The following RBFOX2 variants were observed in gnomAD, a reference collection of about 807,000 sequenced individuals.
RBFOX2 encodes RNA binding protein fox-1 homolog 2.
Under a neutral mutation model 49.1 loss-of-function variants are expected in RBFOX2, and 10 were observed. That is an observed-to-expected ratio of 0.20 (90% CI 0.13 to 0.35). The LOEUF is 0.35. Ranked by LOEUF, RBFOX2 falls within the 10% of genes least tolerant of loss-of-function variation. The pLI is 1.00. For missense variants in RBFOX2, 323 were observed against 486.9 expected, an observed-to-expected ratio of 0.66 and a Z score of 3.17; for synonymous variants, 183 against 187.4, an observed-to-expected ratio of 0.98 and a Z score of 0.19.
intron 1 of RBFOX2, among the ~76,000 whole-genome samples, chr22:35,830,315 T>C (rs1314132905): frequency 6.6e-6 from 1 of 152,208 alleles, no homozygotes; most frequent in Non-Finnish European, 1.5e-5. Context: ...ATACAGAATG[T>C]TAATGAAGCA....
chr22:36,018,630 T>C (rs2059132996), intron 1 of RBFOX2, among the ~76,000 whole-genome samples: 1 of 152,208 alleles, frequency 6.6e-6, no homozygotes, highest in African/African-American at 2.4e-5. Context: ...TGTTTTATTT[T>C]TGAGACAGAG....
intron 1 of RBFOX2, among the ~76,000 whole-genome samples, chr22:35,825,982 A>C (rs1955607781): frequency 9.7e-6 from 1 of 102,994 alleles, no homozygotes; most frequent in African/African-American, 4.5e-5. Context: ...ACTCCGCTTC[A>C]AAAAAAAAAA....
intron 1 of RBFOX2, among the ~76,000 whole-genome samples, chr22:36,026,562 ACACACACACACC>A (rs1463977204): frequency 1.3e-5 from 2 of 151,936 alleles, no homozygotes; most frequent in Admixed American, 1.3e-4. Context: ...ACACACACAC[ACACACACACACC>A]AAGTAGAACC....
intron 1 of RBFOX2, among the ~76,000 whole-genome samples, chr22:35,949,288 A>G (rs572385197): frequency 1.4e-4 from 22 of 152,332 alleles, no homozygotes; most frequent in African/African-American, 5.3e-4. Context: ...TTCATCTGTC[A>G]ATGGACACTT....
At chr22:35,953,104 G>A (rs548674371) in intron 1 of RBFOX2, among the ~76,000 whole-genome samples, 3 of 151,682 alleles carry the variant, frequency 2.0e-5, no homozygotes, top group African/African-American at 4.8e-5. Flanking sequence ...CCAGCTGCTT[G>A]GGAGGCTGAG....
At chr22:35,764,360 G>A (rs1484266858) in intron 6 of RBFOX2, among the ~76,000 whole-genome samples, 6 of 152,002 alleles carry the variant, frequency 3.9e-5, no homozygotes, top group African/African-American at 1.2e-4. Context: ...CACGGTGGGC[G>A]GATCACGAGG....
chr22:35,984,601 C>CTAT (rs2057614372), intron 1 of RBFOX2, among the ~76,000 whole-genome samples: 1 of 152,124 alleles, frequency 6.6e-6, no homozygotes, highest in African/African-American at 2.4e-5. Context: ...GGGGAAAAAG[C>CTAT]TATACTGAAG....
intron 1 of RBFOX2, among the ~76,000 whole-genome samples, chr22:35,971,958 G>C (rs1283981147): frequency 1.5e-5 from 2 of 136,150 alleles, no homozygotes; most frequent in Non-Finnish European, 3.1e-5. Flanking sequence ...AAACCACTTA[G>C]CTCAGTTTTC....
intron 1 of RBFOX2, chr22:35,897,818 G>A (rs1478810936): frequency 5.3e-6 from 4 of 747,954 alleles, no homozygotes; most frequent in Non-Finnish European, 1.0e-5. Context: ...ATGGCTTCTG[G>A]AAATGTGTCT....
intron 9 of RBFOX2, among the ~76,000 whole-genome samples, chr22:35,754,658 T>G (rs1199760192): frequency 5.9e-5 from 9 of 152,206 alleles, no homozygotes. Context: ...GGTGTAAAAG[T>G]AGGAGATTCC....
intron 1 of RBFOX2, among the ~76,000 whole-genome samples, chr22:35,982,403 T>C (rs5750208): frequency 0.079 from 12,009 of 152,086 alleles, 482 homozygotes; most frequent in African/African-American, 0.089. Context: ...TCAATTCTCT[T>C]AATGCACTTA....
intron 1 of RBFOX2, among the ~76,000 whole-genome samples, chr22:35,880,221 G>C (rs115114646): frequency 2.0e-5 from 3 of 152,164 alleles, no homozygotes; most frequent in Non-Finnish European, 4.4e-5. Flanking sequence ...GAACCTAAAG[G>C]ATTTGCTAAT....
At chr22:35,806,216 T>C (rs563730558) in intron 2 of RBFOX2, among the ~76,000 whole-genome samples, 1 of 152,152 alleles carries the variant, frequency 6.6e-6, no homozygotes, top group Admixed American at 6.5e-5. Flanking sequence ...AGGCCATGCA[T>C]GTGTGGGAAC....
upstream of RBFOX2, among the ~76,000 whole-genome samples, chr22:35,963,059 CAAAAAAAA>C (rs34027896): frequency 4.5e-4 from 15 of 33,600 alleles, no homozygotes; most frequent in African/African-American, 1.5e-3. Flanking sequence ...AACTCTCCAG[CAAAAAAAA>C]AAAAAAAAAA....
rs921338429 is a variant in RBFOX2 at position 35,781,473 on chromosome 22, C to CTGATTTA, written c.399+120_399+126dup. ...AGGCTTCTAAAGACTGATGAAAAGA[C>CTGATTTA]TGATTTACCTCAGGTTCTTTCAATC... On this transcript the variant is annotated intron_variant, in intron 3 of 11. Coordinates refer to ENST00000405409, the Ensembl canonical transcript of RBFOX2. The CTGATTTA allele has an allele frequency of 4.0e-6, 5 of 1,247,196 alleles. No homozygotes were observed. In the African/African-American group the frequency reaches 7.6e-5, roughly 19 times the overall value. The allele number at this position is 1,247,196 out of a possible 1,614,324, so 77.3% of individuals were successfully genotyped here. A position where few individuals can be genotyped will look rare whatever the true frequency, so the allele number is the denominator to read the frequency against.
Position 35,805,968 on chromosome 22 carries a change from G to A in RBFOX2, c.252+3812C>T, listed in dbSNP as rs192094309. ...GTTAAAAGATCAGTGGTTGCCAGGG[G>A]TTGGGTTGTGGGGAGGAGAGAGGGA... On this transcript the variant is annotated intron_variant, in intron 2 of 11. Transcript: ENST00000405409. 8.5e-5 allele frequency among the ~76,000 whole-genome samples: 13 copies of A among 152,346 alleles called. No homozygotes were observed. The East Asian group carries it at 1.9e-3, about 23-fold the overall frequency.
rs566591842 is a variant in RBFOX2 at position 35,829,592 on chromosome 22, C to T, written c.27+10600G>A. ...AACAGAGAGAGGGAGGGAAAAAGAC[C>T]TAAAAGAATAGTGAGCCTTGAAAAT... On this transcript the variant is annotated intron_variant, in intron 1 of 11. Transcript: ENST00000405409. 1.1e-4 allele frequency among the ~76,000 whole-genome samples: 16 copies of T among 151,870 alleles called. No individual in the cohort carries two copies. In the South Asian group the frequency reaches 3.3e-3, roughly 32 times the overall value.
intron 1 of RBFOX2, among the ~76,000 whole-genome samples, chr22:35,879,425 T>G (rs900257189): frequency 1.3e-5 from 2 of 152,226 alleles, no homozygotes; most frequent in Non-Finnish European, 2.9e-5. Flanking sequence ...CAGAAGAATA[T>G]GTGTAGGTTA....
At chr22:35,864,157 G>A (rs1029389366) in intron 1 of RBFOX2, among the ~76,000 whole-genome samples, 10 of 151,802 alleles carry the variant, frequency 6.6e-5, no homozygotes, top group African/African-American at 2.4e-4. Flanking sequence ...TATTTCACTT[G>A]GAAAAAATAA....
Sources: gnomAD v4.1 joint callset for allele counts (sites outside exome capture counted in the v4.1 genomes callset) on GRCh38, gnomAD v4.1.1 for gene constraint, MANE v1.5 for transcripts, NCBI Gene and HGNC (gene_info 2026-07-23, HGNC 2026-07-21) for gene names.